PPP1R16B: variants seen among roughly 807,000 people sequenced by gnomAD.
PPP1R16B encodes the protein protein phosphatase 1 regulatory subunit 16B.
In PPP1R16B, 14 loss-of-function variants were observed where a neutral mutation model predicts 61.7. The observed-to-expected ratio is 0.23, with a 90% CI of 0.15 to 0.35. The LOEUF (loss-of-function observed/expected upper bound fraction) is 0.35, where lower values mean the gene tolerates loss of function less well. Ranked by LOEUF, PPP1R16B falls within the 10% of genes least tolerant of loss-of-function variation. PPP1R16B has a pLI of 1.00. For synonymous variants in PPP1R16B, 266 were observed against 305.3 expected (o/e 0.87, Z 1.34); for missense variants, 547 against 752.5 (o/e 0.73, Z 3.19).
At chr20:38,859,152 G>T (rs996201013) in intron 2 of PPP1R16B, among the ~76,000 whole-genome samples, 1 of 152,190 alleles carries the variant, frequency 6.6e-6, no homozygotes, top group African/African-American at 2.4e-5. Flanking sequence ...CTCCACTGGG[G>T]CTGTCTTTAA....
At chr20:38,892,736 G>A (rs2085301173) in intron 3 of PPP1R16B, among the ~76,000 whole-genome samples, 1 of 152,176 alleles carries the variant, frequency 6.6e-6, no homozygotes, top group African/African-American at 2.4e-5. Flanking sequence ...ACTCAAAGGG[G>A]AACTGAGAAA....
intron 2 of PPP1R16B, among the ~76,000 whole-genome samples, chr20:38,876,500 T>G (rs2085168107): frequency 6.7e-6 from 1 of 150,128 alleles, no homozygotes; most frequent in African/African-American, 2.5e-5. Flanking sequence ...AATGTTCATG[T>G]ATTGCCAAAT....
chr20:38,896,897 A>G, intron 4 of PPP1R16B, among the ~76,000 whole-genome samples: 1 of 152,228 alleles, frequency 6.6e-6, no homozygotes, highest in East Asian at 1.9e-4. Flanking sequence ...CTGTAATCTC[A>G]GCACTTTGGG....
rs1364744272 is a variant in PPP1R16B at position 38,836,078 on chromosome 20, T to G, written c.153T>G (p.His51Gln). The change falls in exon 2 of 11, where the codon CAT becomes CAG. Residue 51 changes from histidine to glutamine, a missense_variant. By Grantham distance (24) the His-to-Gln change is conservative. Coordinates refer to ENST00000299824, the MANE Select transcript of PPP1R16B (RefSeq NM_015568.4). ...ACTTGCAGCACCGCAAGCGAAAGCATGAGCGGAAGCGCAGCACGGGCGGCC... is the reference window on the plus strand; with the variant it reads ...ACTTGCAGCACCGCAAGCGAAAGCAGGAGCGGAAGCGCAGCACGGGCGGCC... ...EQDLQHRKRKHERKRSTGGRR... is the reference protein window; with the variant it reads ...EQDLQHRKRKQERKRSTGGRR... 6.2e-7 allele frequency: 1 copy of G among 1,611,746 alleles called. No homozygotes were observed. Among genetic ancestry groups the G allele is most frequent in the African/African-American group, 1.3e-5 (1 of 74,940 alleles).
intron 10 of PPP1R16B, among the ~76,000 whole-genome samples, chr20:38,915,554 T>C (rs185794998): frequency 7.6e-4 from 116 of 152,326 alleles, no homozygotes; most frequent in African/African-American, 2.6e-3. Context: ...TGTGCAATCT[T>C]GGCTCACTGC....
At chr20:38,830,342 A>G (rs1037391588) in intron 1 of PPP1R16B, among the ~76,000 whole-genome samples, 8 of 152,240 alleles carry the variant, frequency 5.3e-5, no homozygotes, top group African/African-American at 1.9e-4. Flanking sequence ...CTTCTCTTGT[A>G]AGATTATTGC....
chr20:38,885,036 CAAAAAA>C (rs71330453), intron 2 of PPP1R16B, among the ~76,000 whole-genome samples: 19 of 67,826 alleles, frequency 2.8e-4, no homozygotes, highest in Non-Finnish European at 4.1e-4. Context: ...AACTCTGTCT[CAAAAAA>C]AAAAAAAAAA....
chr20:38,895,462 C>A, intron 3 of PPP1R16B, 103 bp from the exon 4 acceptor site: 1 of 1,342,524 alleles, frequency 7.4e-7, no homozygotes, highest in Non-Finnish European at 1.0e-6. Context: ...AGGCCTTCCA[C>A]AGTCTTCCTC....
At chr20:38,897,522 G>A (rs188400872) in intron 4 of PPP1R16B, among the ~76,000 whole-genome samples, 32 of 152,302 alleles carry the variant, frequency 2.1e-4, no homozygotes, top group Non-Finnish European at 3.7e-4. Flanking sequence ...CACTTGGGTT[G>A]CCTCCATGTT....
chr20:38,853,068 G>A (rs1333108824), intron 2 of PPP1R16B, among the ~76,000 whole-genome samples: 3 of 151,936 alleles, frequency 2.0e-5, no homozygotes, highest in South Asian at 2.1e-4. Context: ...CATTGCGCCC[G>A]GCCCCACTGT....
intron 1 of PPP1R16B, among the ~76,000 whole-genome samples, chr20:38,829,467 T>C (rs1046392586): frequency 2.4e-4 from 37 of 152,230 alleles, no homozygotes; most frequent in Non-Finnish European, 4.1e-4. Flanking sequence ...ATGTTCCGTC[T>C]GGATTTTCCG....
rs1452368923 is a variant in PPP1R16B at position 38,880,125 on chromosome 20, A to G, written c.251-9470A>G. ...GCCTGAACTACATCACAGGAGCAGC[A>G]CGGTAGCCAAAAGATGGTCCTACTC... is the stretch of plus-strand genomic sequence containing the variant. On this transcript the variant is annotated intron_variant, in intron 2 of 10. Coordinates refer to ENST00000299824, the MANE Select transcript of PPP1R16B (RefSeq NM_015568.4). Among the ~76,000 whole-genome samples the G allele has an allele frequency of 2.6e-5, 4 of 152,330 alleles. No individual in the cohort carries two copies. The East Asian group carries it at 7.7e-4, about 29-fold the overall frequency.
rs981670108 is a variant in PPP1R16B at position 38,810,855 on chromosome 20, T to C, written c.-102+5063T>C. The stretch of plus-strand genomic sequence containing the variant: ...CTTGTAAGTGACAGGAACTCACGTC[T>C]TGGGGGGCATCTCAAAGTTGCCATG... On this transcript the variant is annotated intron_variant, in intron 1 of 10. Transcript: ENST00000299824. Among the ~76,000 whole-genome samples the C allele has an allele frequency of 3.3e-5, 5 of 152,194 alleles. No homozygotes were observed. The East Asian group carries it at 9.6e-4, about 29-fold the overall frequency.
intron 2 of PPP1R16B, chr20:38,872,804 C>G (rs2085139608): frequency 6.5e-6 from 1 of 153,276 alleles, no homozygotes; most frequent in Non-Finnish European, 1.5e-5. Context: ...GTCCCAGCTA[C>G]TCGGTAGGCT....
chr20:38,815,046 T>C (rs894892964), intron 1 of PPP1R16B, among the ~76,000 whole-genome samples: 1 of 152,210 alleles, frequency 6.6e-6, no homozygotes, highest in African/African-American at 2.4e-5. Context: ...TCATTTTTTT[T>C]CTTTTATATA....
chr20:38,903,863 G>C (rs2085418557), intron 6 of PPP1R16B, among the ~76,000 whole-genome samples: 1 of 152,198 alleles, frequency 6.6e-6, no homozygotes, highest in Non-Finnish European at 1.5e-5. Flanking sequence ...TCTGCAACCT[G>C]TAAGTCAAAA....
At chr20:38,878,497 C>T (rs771315289) in intron 2 of PPP1R16B, among the ~76,000 whole-genome samples, 2 of 152,156 alleles carry the variant, frequency 1.3e-5, no homozygotes, top group Non-Finnish European at 2.9e-5. Context: ...GAGTGAGGGT[C>T]CCTTGTAATT....
chr20:38,857,166 T>A (rs2085014185), intron 2 of PPP1R16B, among the ~76,000 whole-genome samples: 1 of 152,300 alleles, frequency 6.6e-6, no homozygotes, highest in South Asian at 2.1e-4. Context: ...GAGACATTTA[T>A]AGTCCACAGT....
At chr20:38,805,974 C>A (rs1352900387) in intron 1 of PPP1R16B, among the ~76,000 whole-genome samples, 182 bp downstream of exon 1, 5 of 152,000 alleles carry the variant, frequency 3.3e-5, no homozygotes, top group Admixed American at 2.6e-4. Context: ...AGACGGGTAC[C>A]GAGAGCGCTA....
Sources: gnomAD v4.1 joint callset for allele counts (sites outside exome capture counted in the v4.1 genomes callset) on GRCh38, gnomAD v4.1.1 for gene constraint, MANE v1.5 for transcripts, NCBI Gene and HGNC (gene_info 2026-07-23, HGNC 2026-07-21) for gene names.